The following AHNAK variants were observed in gnomAD, a reference collection of about 807,000 sequenced individuals.
The protein encoded by AHNAK is neuroblast differentiation-associated protein AHNAK.
Under a neutral mutation model 37.8 loss-of-function variants are expected in AHNAK, and 23 were observed. The ratio of observed to expected loss-of-function variants is 0.61; its 90% CI spans 0.44 to 0.86. The LOEUF is 0.86. Among genes scored for constraint, AHNAK ranks in the 40% least tolerant of loss-of-function variants. The pLI, the probability that AHNAK is intolerant of heterozygous loss-of-function variation, is 0.00. For synonymous variants in AHNAK, 2,481 were observed against 2,636.3 expected (o/e 0.94, Z 1.80); for missense variants, 7,411 against 7,319.4 (o/e 1.01, Z -0.46).
At chr11:62,476,419 G>A (rs945167602) in intron 5 of AHNAK, among the ~76,000 whole-genome samples, 1 of 152,198 alleles carries the variant, frequency 6.6e-6, no homozygotes, top group Non-Finnish European at 1.5e-5. Context: ...AAGGAGACAA[G>A]AGCCTTGAAG....
At chr11:62,499,960 C>A (rs1162607440) in intron 4 of AHNAK, among the ~76,000 whole-genome samples, 1 of 152,246 alleles carries the variant, frequency 6.6e-6, no homozygotes, top group East Asian at 1.9e-4. Context: ...GGAGAGCCTG[C>A]TGCTCCTGGG....
Position 62,535,932 on chromosome 11 carries a change from T to C in AHNAK, c.154+13A>G, listed in dbSNP as rs1288808818. On this transcript the variant is annotated intron_variant, in intron 3 of 4. Coordinates refer to ENST00000378024, the MANE Select transcript of AHNAK (RefSeq NM_001620.3). ...AACCACCAGCACCCAGTCCACACCC[T>C]GGGGTGACTCACCCTCCTTGACCAC... is the stretch of plus-strand genomic sequence containing the variant. The C allele has an allele frequency of 6.2e-7, 1 of 1,601,524 alleles. No homozygotes were observed. Among genetic ancestry groups the C allele is most frequent in the South Asian group, 1.1e-5 (1 of 90,648 alleles).
At chr11:62,507,431 T>G (rs992211434) in intron 4 of AHNAK, among the ~76,000 whole-genome samples, 1 of 152,224 alleles carries the variant, frequency 6.6e-6, no homozygotes, top group Non-Finnish European at 1.5e-5. Flanking sequence ...GACCACATTA[T>G]GTTAATTTAA....
downstream of AHNAK, among the ~76,000 whole-genome samples, chr11:62,512,450 GCCCCTGGGGGTCTCACCA>G (rs1939931256): frequency 6.6e-6 from 1 of 152,158 alleles, no homozygotes; most frequent in Non-Finnish European, 1.5e-5. This position sits in a 1 kb window ranked among gnomAD's most constrained non-coding sequence, Gnocchi z 4.0. Context: ...GCTTCCTACT[GCCCCTGGGGGTCTCACCA>G]CCCCTTGTGG....
At chr11:62,496,747 A>G (rs1186882053) in intron 4 of AHNAK, among the ~76,000 whole-genome samples, 1 of 151,992 alleles carries the variant, frequency 6.6e-6, no homozygotes, top group African/African-American at 2.4e-5. Context: ...GTGAGCCGAG[A>G]TCGCATCACT....
rs1387751429 is a variant in AHNAK, at chr11:62,525,027, G to A, written c.9390C>T (p.Pro3130=). 4 of 1,613,506 alleles carry A rather than the reference G, an allele frequency of 2.5e-6. No homozygotes were observed. The highest frequency in any genetic ancestry group is 2.5e-6 in the Non-Finnish European group (3 of 1,179,950). ...CATCTGGGGCATTAATATCCACTTTGGGGCCTTTAATATCCACGTCAGGAA... is the reference window on the plus strand; with the variant it reads ...CATCTGGGGCATTAATATCCACTTTAGGGCCTTTAATATCCACGTCAGGAA... The part of the protein sequence containing the change: ...MKVPDVDIKG[P]KVDINAPDVD... Residue 3130 remains proline, a synonymous_variant, in exon 5 of 5, where the codon CCC becomes CCT. Transcript: ENST00000378024.
chr11:62,438,383 G>A (rs71490380), intron 5 of AHNAK, among the ~76,000 whole-genome samples: 3,838 of 151,814 alleles, frequency 0.025, 68 homozygotes, highest in Non-Finnish European at 0.04. Flanking sequence ...GGGTTTCACC[G>A]TGTTTATCAG....
chr11:62,459,186 C>G (rs1238704198), intron 5 of AHNAK, among the ~76,000 whole-genome samples: 2 of 152,134 alleles, frequency 1.3e-5, no homozygotes, highest in African/African-American at 4.8e-5. Flanking sequence ...TGGAATGCAC[C>G]ACAAATGTAC....
chr11:62,543,111 C>T (rs1198155498), intron 1 of AHNAK, among the ~76,000 whole-genome samples: 1 of 152,152 alleles, frequency 6.6e-6, no homozygotes, highest in African/African-American at 2.4e-5. Flanking sequence ...GGGCAGGATG[C>T]CCCTCCCTGA....
At position 62,516,893 on chromosome 11, in the gene AHNAK, C is replaced by T. The variant is rs528156388; in HGVS notation, c.17524G>A (p.Asp5842Asn). ...CCCTGTAACTTGCCTGTCTCATCAT[C>T]GCTCCCAGTCACCTCATAATGACCT... ...SKGHYEVTGS[D>N]DETGKLQGSG... The change falls in exon 5 of 5, where the codon GAT (aspartate) becomes AAT (asparagine). Residue 5842 changes from aspartate (D) to asparagine (N), a missense_variant. Transcript: ENST00000378024. 5.9e-5 allele frequency: 96 copies of T among 1,614,138 alleles called. 1 individual carries two copies. The highest frequency in any genetic ancestry group is 3.7e-4 in the Admixed American group (22 of 60,012).
chr11:62,516,730 C>T lies in AHNAK; in HGVS notation c.*14G>A, dbSNP rs1360846078. On this transcript the variant is annotated 3_prime_UTR_variant, in exon 5 of 5. Coordinates refer to ENST00000378024, the MANE Select transcript of AHNAK (RefSeq NM_001620.3). ...TGTTATATATATATATATGTACACA[C>T]ATACAAAGGCCTGCTACTCTTTCTT... 6.3e-7 allele frequency: 1 copy of T among 1,593,866 alleles called. No homozygotes were observed. The highest frequency in any genetic ancestry group is 8.5e-7 in the Non-Finnish European group (1 of 1,171,782).
At chr11:62,544,204 C>T (rs962364334) in intron 1 of AHNAK, among the ~76,000 whole-genome samples, 3 of 152,138 alleles carry the variant, frequency 2.0e-5, no homozygotes, top group African/African-American at 4.8e-5. Context: ...AAGATGACTC[C>T]GGGGACCCCC....
chr11:62,531,507 C>T lies in AHNAK; in HGVS notation c.2910G>A (p.Lys970=). The change falls in exon 5 of 5, where the codon AAG becomes AAA. Residue 970 remains lysine (K), a synonymous_variant. Transcript: ENST00000378024. ...TTGGGCCTTTCAGGTCCCCTTCCAG[C>T]TTTGGCACTGTCATATCATATTCTC... ...VKGEYDMTVP[K]LEGDLKGPKV... 10 of 1,614,180 alleles carry T rather than the reference C, an allele frequency of 6.2e-6. No individual in the cohort carries two copies. The highest frequency in any genetic ancestry group is 7.6e-6 in the Non-Finnish European group (9 of 1,180,026).
chr11:62,522,442 G>A lies in AHNAK; in HGVS notation c.11975C>T (p.Pro3992Leu). 1 of 1,613,718 alleles carries A rather than the reference G, an allele frequency of 6.2e-7. No individual in the cohort carries two copies. The highest frequency in any genetic ancestry group is 2.2e-5 in the East Asian group (1 of 44,858). Reference sequence around the variant, plus strand: ...CTTGGGGGCTTTGATGTTCATCTCTGGCATCTTGAATTTAGGGCCCTTCAG... The same window carrying A: ...CTTGGGGGCTTTGATGTTCATCTCTAGCATCTTGAATTTAGGGCCCTTCAG... ...AKLKGPKFKM[P>L]EMNIKAPKIS... Residue 3992 changes from proline to leucine, a missense_variant, in exon 5 of 5, where the codon CCA becomes CTA. By Grantham distance (98) the Pro-to-Leu change is moderately conservative (BLOSUM62 -3). Transcript: ENST00000378024.
intron 5 of AHNAK, among the ~76,000 whole-genome samples, chr11:62,475,793 C>T (rs566644457): frequency 6.6e-6 from 1 of 151,526 alleles, no homozygotes; most frequent in Non-Finnish European, 1.5e-5. Flanking sequence ...TTAGTAGAGA[C>T]GAGGTTTCAC....
Position 62,519,644 on chromosome 11 carries a change from G to A in AHNAK, c.14773C>T (p.Leu4925Phe), listed in dbSNP as rs1450182353. Residue 4925 changes from leucine to phenylalanine, a missense_variant, in exon 5 of 5, where the codon CTC (leucine) becomes TTC (phenylalanine). Physicochemically the swap from Leu to Phe is conservative, Grantham distance 22 (BLOSUM62 0). Coordinates refer to ENST00000378024, the MANE Select transcript of AHNAK (RefSeq NM_001620.3). ...KVTAPDVDLHLKAPKIGFSGP... is the reference protein window; with the variant it reads ...KVTAPDVDLHFKAPKIGFSGP... Reference sequence around the variant, plus strand: ...GAAAATCCAATTTTTGGTGCCTTGAGATGCAAATCAACATCAGGAGCAGTT... The same window carrying A: ...GAAAATCCAATTTTTGGTGCCTTGAAATGCAAATCAACATCAGGAGCAGTT... The A allele has an allele frequency of 1.2e-6, 2 of 1,613,928 alleles. No individual in the cohort carries two copies. Among genetic ancestry groups the A allele is most frequent in the Non-Finnish European group, 1.7e-6 (2 of 1,179,972 alleles).
chr11:62,474,715 T>C (rs1278219257), intron 5 of AHNAK, among the ~76,000 whole-genome samples: 1 of 152,146 alleles, frequency 6.6e-6, no homozygotes, highest in Non-Finnish European at 1.5e-5. Context: ...TTGACAAAAG[T>C]GAGCTGGACA....
intron 5 of AHNAK, among the ~76,000 whole-genome samples, chr11:62,456,582 C>A (rs951396514): frequency 6.6e-6 from 1 of 152,096 alleles, no homozygotes; most frequent in African/African-American, 2.4e-5. Context: ...GTGGACACTC[C>A]CTGGCCAGGT....
chr11:62,457,930 T>TCC (rs780855513), intron 5 of AHNAK, among the ~76,000 whole-genome samples: 2 of 145,542 alleles, frequency 1.4e-5, no homozygotes, highest in African/African-American at 2.7e-5. Context: ...TTTTTTTTTT[T>TCC]GAGATGGAGT....
Sources: allele counts gnomAD v4.1 joint callset (sites outside exome capture counted in the v4.1 genomes callset), GRCh38; gene constraint gnomAD v4.1.1; non-coding constraint Gnocchi (gnomAD v3.1); transcripts MANE v1.5; gene names NCBI Gene and HGNC (gene_info 2026-07-23, HGNC 2026-07-21).